The following STAU2 variants were observed in gnomAD, a reference collection of about 807,000 sequenced individuals.
STAU2 encodes staufen double-stranded RNA binding protein 2.
STAU2 carries 20 observed loss-of-function variants against 65.9 expected under a neutral mutation model. The observed-to-expected ratio is 0.30, with a 90% CI of 0.21 to 0.44. The LOEUF (loss-of-function observed/expected upper bound fraction) is 0.44, where lower values mean the gene tolerates loss of function less well. STAU2 is among the 20% of genes least tolerant of loss of function. The probability of loss-of-function intolerance (pLI) is 1.00; values close to 1 mark genes in which losing one functional copy is unlikely to be tolerated. For synonymous variants in STAU2, 232 were observed against 233.9 expected, an observed-to-expected ratio of 0.99 and a Z score of 0.07; for missense variants, 558 against 683.9, an observed-to-expected ratio of 0.82 and a Z score of 2.05.
intron 9 of STAU2, among the ~76,000 whole-genome samples, chr8:73,613,351 A>T (rs1812607981): frequency 1.3e-5 from 2 of 152,182 alleles, no homozygotes; most frequent in Admixed American, 1.3e-4. Context: ...GCGGTTCAGG[A>T]GGTTTGACAT....
intron 9 of STAU2, among the ~76,000 whole-genome samples, chr8:73,609,198 T>C (rs1354473239): frequency 6.6e-6 from 1 of 151,836 alleles, no homozygotes; most frequent in African/African-American, 2.4e-5. Flanking sequence ...AAAGATGAAA[T>C]TGAACCCCCA....
chr8:73,573,528 C>T (rs1248249886), intron 12 of STAU2, among the ~76,000 whole-genome samples: 2 of 152,216 alleles, frequency 1.3e-5, no homozygotes, highest in African/African-American at 4.8e-5. Flanking sequence ...GTAACCAAAA[C>T]AGCAGCGTAC....
At chr8:73,687,366 A>T (rs1479510514) in intron 5 of STAU2, among the ~76,000 whole-genome samples, 378 of 4,738 alleles carry the variant, frequency 0.08, 8 homozygotes, top group African/African-American at 0.32. Flanking sequence ...TAATATAAAT[A>T]TAATTTATAA....
chr8:73,577,623 C>G (rs1809673071), intron 12 of STAU2, among the ~76,000 whole-genome samples: 1 of 151,852 alleles, frequency 6.6e-6, no homozygotes, highest in Non-Finnish European at 1.5e-5. Context: ...TTAGCCAAGC[C>G]CTACAAAGAA....
At chr8:73,488,580 C>T (rs568550235) in intron 13 of STAU2, among the ~76,000 whole-genome samples, 1 of 151,906 alleles carries the variant, frequency 6.6e-6, no homozygotes, top group African/African-American at 2.4e-5. Context: ...AATCTGAGGT[C>T]TCCTCATTGA....
chr8:73,685,245 A>G (rs534674237), intron 5 of STAU2, among the ~76,000 whole-genome samples: 1 of 152,320 alleles, frequency 6.6e-6, no homozygotes, highest in Non-Finnish European at 1.5e-5. Context: ...TAAATTACCC[A>G]GAATCAGGAA....
At position 73,552,157 on chromosome 8, in the gene STAU2, G is replaced by C. The variant is rs1191901418; in HGVS notation, c.1385C>G (p.Ala462Gly). The change falls in exon 13 of 15, where the codon GCT (alanine) becomes GGT (glycine). Residue 462 changes from alanine (A) to glycine (G), a missense_variant. Ala to Gly is a moderately conservative substitution (Grantham distance 60). This residue lies in a region of STAU2 where 247 missense variants were observed against 270.1 expected (regional missense o/e 0.91). Coordinates refer to ENST00000524300, the MANE Select transcript of STAU2 (RefSeq NM_001164380.2). Reference sequence around the variant, plus strand: ...CATAAGGAGTTCCCTGGCAATTGTAGCTGAACTATTCGATGTGGGAGATAT... The same window carrying C: ...CATAAGGAGTTCCCTGGCAATTGTACCTGAACTATTCGATGTGGGAGATAT... ...FSISPTSNSS[A>G]TIARELLMNG... The C allele has an allele frequency of 6.2e-7, 1 of 1,613,992 alleles. No homozygotes were observed. The highest frequency in any genetic ancestry group is 2.2e-5 in the East Asian group (1 of 44,870).
intron 13 of STAU2, among the ~76,000 whole-genome samples, chr8:73,451,758 T>C (rs1818810914): frequency 2.6e-5 from 4 of 152,088 alleles, no homozygotes; most frequent in Admixed American, 2.6e-4. Flanking sequence ...TTTTAATGAT[T>C]AGGTTTTGTA....
At chr8:73,454,936 G>A (rs543806479) in intron 13 of STAU2, among the ~76,000 whole-genome samples, 4 of 152,174 alleles carry the variant, frequency 2.6e-5, no homozygotes, top group East Asian at 1.9e-4. Flanking sequence ...TGGAGAGGTC[G>A]AGTGGTCCTC....
intron 11 of STAU2, among the ~76,000 whole-genome samples, chr8:73,583,865 A>C (rs1810173968): frequency 6.6e-6 from 1 of 152,136 alleles, no homozygotes; most frequent in Non-Finnish European, 1.5e-5. Context: ...CAAATTAATA[A>C]GTGACTTTAG....
chr8:73,448,339 A>C (rs1486564421), intron 13 of STAU2, among the ~76,000 whole-genome samples: 1 of 151,962 alleles, frequency 6.6e-6, no homozygotes, highest in Non-Finnish European at 1.5e-5. Context: ...GCTAAAGTGC[A>C]GTGGTGCGAT....
intron 3 of STAU2, among the ~76,000 whole-genome samples, chr8:73,729,648 T>C (rs1805905799): frequency 6.6e-6 from 1 of 152,140 alleles, no homozygotes; most frequent in Admixed American, 6.6e-5. Context: ...GGCATAATCA[T>C]GGATCACTGC....
At chr8:73,596,492 G>C (rs888019733) in intron 10 of STAU2, among the ~76,000 whole-genome samples, 2 of 152,168 alleles carry the variant, frequency 1.3e-5, no homozygotes, top group Non-Finnish European at 2.9e-5. Flanking sequence ...AACTATAGTT[G>C]AATTTCTTTT....
At chr8:73,660,837 T>C (rs1422913802) in intron 6 of STAU2, among the ~76,000 whole-genome samples, 2 of 152,160 alleles carry the variant, frequency 1.3e-5, no homozygotes, top group Admixed American at 6.5e-5. Context: ...CCATATGCAA[T>C]AGAGAATCAG....
chr8:73,618,352 A>G (rs1191090831), intron 6 of STAU2, among the ~76,000 whole-genome samples: 3 of 152,214 alleles, frequency 2.0e-5, no homozygotes, highest in African/African-American at 7.2e-5. Flanking sequence ...TCAATTGTGT[A>G]AAGACATGAA....
chr8:73,535,065 T>C (rs980218319), intron 13 of STAU2, among the ~76,000 whole-genome samples: 26 of 152,160 alleles, frequency 1.7e-4, no homozygotes, highest in African/African-American at 5.8e-4. Flanking sequence ...CGGATAAAAA[T>C]TGTCTAACAA....
chr8:73,519,334 C>T (rs892227376), intron 13 of STAU2, among the ~76,000 whole-genome samples: 4 of 152,100 alleles, frequency 2.6e-5, no homozygotes, highest in Non-Finnish European at 5.9e-5. Context: ...TTGCTCAAAC[C>T]TATGACGTCT....
intron 12 of STAU2, among the ~76,000 whole-genome samples, chr8:73,566,035 T>C (rs1437608341): frequency 6.6e-6 from 1 of 152,234 alleles, no homozygotes; most frequent in Non-Finnish European, 1.5e-5. Flanking sequence ...ACAACAATAG[T>C]ACATTGGTAA....
intron 13 of STAU2, among the ~76,000 whole-genome samples, chr8:73,466,880 G>A (rs1218080426): frequency 6.6e-6 from 1 of 152,298 alleles, no homozygotes; most frequent in East Asian, 1.9e-4. Flanking sequence ...CAGCTCTCAG[G>A]AGCCTCCCAG....
Sources: gnomAD v4.1 joint callset for allele counts (sites outside exome capture counted in the v4.1 genomes callset) on GRCh38, gnomAD v4.1.1 for gene constraint, gnomAD v4.1.1 regional missense constraint, MANE v1.5 for transcripts, NCBI Gene and HGNC (gene_info 2026-07-23, HGNC 2026-07-21) for gene names.